ABCA12: variants seen among roughly 807,000 people sequenced by gnomAD.
The protein encoded by ABCA12 is ATP binding cassette subfamily A member 12, also known as glucosylceramide transporter ABCA12.
Under a neutral mutation model 293.5 loss-of-function variants are expected in ABCA12, and 156 were observed. That is an observed-to-expected ratio of 0.53 (90% confidence interval 0.47 to 0.61). The LOEUF (loss-of-function observed/expected upper bound fraction) is 0.61, where lower values mean the gene tolerates loss of function less well. Ranked by LOEUF, ABCA12 falls within the 20% of genes least tolerant of loss-of-function variation. The pLI is 0.00. For missense variants in ABCA12, 2,797 were observed against 3,090.2 expected, an observed-to-expected ratio of 0.91 and a Z score of 2.25; for synonymous variants, 1,063 against 1,108.0, an observed-to-expected ratio of 0.96 and a Z score of 0.81.
chr2:215,135,762 C>A (rs1200423563), intron 1 of ABCA12, among the ~76,000 whole-genome samples: 2 of 151,668 alleles, frequency 1.3e-5, no homozygotes, highest in African/African-American at 4.8e-5. Flanking sequence ...TCATTTTATC[C>A]CCCTTTAGAT....
rs112434185 is a variant in ABCA12 at position 214,975,812 on chromosome 2, C to G, written c.5354G>C (p.Gly1785Ala). The G allele has an allele frequency of 2.5e-6, 4 of 1,613,986 alleles. No homozygotes were observed. Among genetic ancestry groups the G allele is most frequent in the Non-Finnish European group, 3.4e-6 (4 of 1,179,958 alleles). Reference sequence around the variant, plus strand: ...ATAGAAGGCTGTCTGTTCGGAGGTACCATAAAGAGAGGGGGAGATCTGAAT... The same window carrying G: ...ATAGAAGGCTGTCTGTTCGGAGGTAGCATAAAGAGAGGGGGAGATCTGAAT... ...PEIQISPSLYGTSEQTAFYAN... is the reference protein window; with the variant it reads ...PEIQISPSLYATSEQTAFYAN... The change falls in exon 34 of 53, where the codon GGT (glycine) becomes GCT (alanine). Residue 1785 changes from glycine to alanine, a missense_variant. This residue lies in a region of ABCA12 where 2,130 missense variants were observed against 2,427.0 expected (regional missense o/e 0.88). Transcript: ENST00000272895.
Position 214,932,564 on chromosome 2 carries a change from T to C in ABCA12, c.*70A>G, listed in dbSNP as rs1698092063. ...TTAAAATGAAGATATCTTGCGGAAG[T>C]GTATCTTCTGTGGCTTTTCTTCAAA... On this transcript the variant is annotated 3_prime_UTR_variant, in exon 53 of 53. Coordinates refer to ENST00000272895, the MANE Select transcript of ABCA12 (RefSeq NM_173076.3). 1 of 1,097,380 alleles carries C rather than the reference T, an allele frequency of 9.1e-7. No homozygotes were observed. Among genetic ancestry groups the C allele is most frequent in the Non-Finnish European group, 1.4e-6 (1 of 717,130 alleles). 68.0% of individuals were successfully genotyped at this position (1,097,380 alleles called of 1,614,324 possible).
At chr2:214,942,112 GT>G (rs1434672181) in intron 50 of ABCA12, among the ~76,000 whole-genome samples, 1 of 152,096 alleles carries the variant, frequency 6.6e-6, no homozygotes, top group Non-Finnish European at 1.5e-5. Context: ...AGTAAGCAAG[GT>G]CTTGATAAGC....
At chr2:215,098,613 T>G (rs1157244684) in intron 2 of ABCA12, among the ~76,000 whole-genome samples, 1 of 152,238 alleles carries the variant, frequency 6.6e-6, no homozygotes, top group African/African-American at 2.4e-5. Flanking sequence ...CCAAGCAATA[T>G]TCCAGAGAGT....
intron 33 of ABCA12, 104 bp downstream of exon 33, chr2:214,978,212 A>G: frequency 7.4e-7 from 1 of 1,356,234 alleles, no homozygotes; most frequent in African/African-American, 1.5e-5. Context: ...TGAATTTAGA[A>G]TGAAACTTTA....
intron 9 of ABCA12, among the ~76,000 whole-genome samples, chr2:215,031,489 T>C (rs1700876438): frequency 6.6e-6 from 1 of 152,128 alleles, no homozygotes; most frequent in Non-Finnish European, 1.5e-5. Flanking sequence ...TACACACTGT[T>C]TGTGGTGAAA....
At chr2:215,120,940 T>C (rs535287485) in intron 1 of ABCA12, among the ~76,000 whole-genome samples, 8 of 152,332 alleles carry the variant, frequency 5.3e-5, no homozygotes, top group South Asian at 4.1e-4. Flanking sequence ...AAAAAATATG[T>C]TCCCCAGGAT....
At position 215,025,678 on chromosome 2, in the gene ABCA12, A is replaced by T. The variant is rs112586692; in HGVS notation, c.1282T>A (p.Ser428Thr). The T allele has an allele frequency of 6.2e-5, 93 of 1,501,584 alleles. 2 individuals carry two copies. In the African/African-American group the frequency reaches 7.7e-4, roughly 12 times the overall value. The allele number at this position is 1,501,584 out of a possible 1,614,324, so 93.0% of individuals were successfully genotyped here. ...TTTTTACTTTCATGGCTTACTTTTG[A>T]TTTTAGGACTTCAGGAACTGGAGGA... ...YFPPVPEVLK[S>T]KLSQLRNLTE... is the part of the protein sequence containing the mutation. The change falls in exon 11 of 53, where the codon TCA (serine) becomes ACA (threonine). Residue 428 changes from serine (S) to threonine (T), a missense_variant. Around this residue, in one of 3 missense-constraint regions of ABCA12, gnomAD observed 656 missense variants for 638.2 expected, o/e 1.03. Transcript: ENST00000272895.
In ABCA12 at chr2:214,937,541, A is replaced by T; in HGVS notation, c.7511T>A (p.Met2504Lys). 6.2e-7 allele frequency: 1 copy of T among 1,613,930 alleles called. No homozygotes were observed. The highest frequency in any genetic ancestry group is 8.5e-7 in the Non-Finnish European group (1 of 1,179,882). Residue 2504 changes from methionine (M) to lysine (K), a missense_variant, in exon 51 of 53, where the codon ATG becomes AAG. Met to Lys is a moderately conservative substitution (Grantham distance 95). Coordinates refer to ENST00000272895, the MANE Select transcript of ABCA12 (RefSeq NM_173076.3). ...GTATGTTTTTGGAAAGTGCAGCTGC[A>T]TGAACTTTGTGAGGGTCTCCATGGT... ...KVTMETLTKF[M>K]QLHFPKTYLK...
intron 41 of ABCA12, among the ~76,000 whole-genome samples, chr2:214,957,122 G>A (rs1042869629): frequency 5.9e-5 from 9 of 152,316 alleles, no homozygotes; most frequent in African/African-American, 2.2e-4. Context: ...ATTACATTCA[G>A]TCCTCAAAGT....
intron 31 of ABCA12, among the ~76,000 whole-genome samples, 153 bp downstream of exon 31, chr2:214,980,330 T>A (rs936541907): frequency 5.3e-5 from 8 of 152,164 alleles, no homozygotes; most frequent in Admixed American, 5.2e-4. Flanking sequence ...AGTCAAGACC[T>A]CCAGGATTTC....
Position 215,138,135 on chromosome 2 carries a change from CT to C in ABCA12, c.69+4del. On this transcript the variant is annotated splice_donor_region_variant and intron_variant, in intron 1 of 52. Transcript: ENST00000272895. ...CCCATACTCCCACACTTTTTTTTAA[CT>C]CACCGGCTGCCTTTTTACACCTAGC... 1 of 1,613,874 alleles carries C rather than the reference CT, an allele frequency of 6.2e-7. No individual in the cohort carries two copies. The highest frequency in any genetic ancestry group is 8.5e-7 in the Non-Finnish European group (1 of 1,179,888).
chr2:215,016,195 T>C (rs1357325375), intron 14 of ABCA12, among the ~76,000 whole-genome samples: 1 of 151,780 alleles, frequency 6.6e-6, no homozygotes, highest in Non-Finnish European at 1.5e-5. Flanking sequence ...ACATTCAGGA[T>C]GGCCCCTGGA....
rs201174434 is a variant in ABCA12, at chr2:214,996,735, GCT to G, written c.3294+958_3294+959del. On this transcript the variant is annotated intron_variant, in intron 23 of 52. Coordinates refer to ENST00000272895, the MANE Select transcript of ABCA12 (RefSeq NM_173076.3). ...ACGGGGACAACCCTGAAAGCCTGAT[GCT>G]GAACTAACAGAAATATGTAGCAGCA... Among the ~76,000 whole-genome samples the G allele has an allele frequency of 1.7e-4, 26 of 152,330 alleles. No homozygotes were observed. The East Asian group carries it at 5.0e-3, about 29-fold the overall frequency.
At chr2:215,117,263 T>C (rs939286059) in intron 1 of ABCA12, among the ~76,000 whole-genome samples, 1 of 152,178 alleles carries the variant, frequency 6.6e-6, no homozygotes, top group African/African-American at 2.4e-5. Context: ...GAAAAAGAGA[T>C]AAAGACAAGC....
At chr2:215,043,657 G>T (rs75660449) in intron 7 of ABCA12, among the ~76,000 whole-genome samples, 21,922 of 151,900 alleles carry the variant, frequency 0.14, 4,770 homozygotes, top group African/African-American at 0.47. Flanking sequence ...CCTATATTAG[G>T]TGTACAATTA....
chr2:215,131,259 AAGGG>A (rs1465663023), intron 1 of ABCA12, among the ~76,000 whole-genome samples: 1 of 151,680 alleles, frequency 6.6e-6, no homozygotes, highest in Non-Finnish European at 1.5e-5. Flanking sequence ...ATGAGATGGG[AAGGG>A]AGCCCTCCTC....
At chr2:215,136,612 A>G (rs2105924569) in intron 1 of ABCA12, among the ~76,000 whole-genome samples, 1 of 152,274 alleles carries the variant, frequency 6.6e-6, no homozygotes, top group South Asian at 2.1e-4. Flanking sequence ...ACTTGACTGT[A>G]CGTGGATTTC....
intron 1 of ABCA12, among the ~76,000 whole-genome samples, chr2:215,131,308 G>T (rs950404463): frequency 6.6e-6 from 1 of 151,802 alleles, no homozygotes; most frequent in Admixed American, 6.6e-5. Context: ...CACCAAGATT[G>T]GTACCACCTC....
Sources: allele counts gnomAD v4.1 joint callset (sites outside exome capture counted in the v4.1 genomes callset), GRCh38; gene constraint gnomAD v4.1.1; regional missense constraint gnomAD v4.1.1; transcripts MANE v1.5; gene names NCBI Gene and HGNC (gene_info 2026-07-23, HGNC 2026-07-21).